Variants in ZNF248 observed in about 807,000 individuals in gnomAD.
ZNF248 encodes the protein KRAB protein domain.
In ZNF248, 20 loss-of-function variants were observed where a neutral mutation model predicts 44.3. The observed-to-expected ratio is 0.45, with a 90% CI of 0.32 to 0.66. ZNF248 has a LOEUF of 0.66. Among genes scored for constraint, ZNF248 ranks in the 30% least tolerant of loss-of-function variants. ZNF248 has a pLI of 0.04. For synonymous variants in ZNF248, 224 were observed against 229.0 expected (o/e 0.98, Z 0.20); for missense variants, 654 against 677.0 (o/e 0.97, Z 0.38).
In ZNF248 at chr10:37,833,059, T is replaced by C. The variant is rs776400596; in HGVS notation, c.296A>G (p.His99Arg). ...LESSQENEDD[H>R]FWELLFHNNK... ...GTTGTGGAATAGAAGCTCCCAAAAA[T>C]GGTCATCTTCATTTTCCTGGCTGCT... is the stretch of plus-strand genomic sequence containing the variant. The change falls in exon 6 of 6, where the codon CAT (histidine) becomes CGT (arginine). Residue 99 changes from histidine (H) to arginine (R), a missense_variant. Transcript: ENST00000395867. The C allele has an allele frequency of 6.1e-5, 99 of 1,610,908 alleles. No individual in the cohort carries two copies. Among genetic ancestry groups the C allele is most frequent in the Non-Finnish European group, 7.9e-5 (93 of 1,179,100 alleles).
chr10:37,775,744 A>C (rs1036765652), downstream of ZNF248, among the ~76,000 whole-genome samples: 1 of 152,210 alleles, frequency 6.6e-6, no homozygotes, highest in Non-Finnish European at 1.5e-5. Flanking sequence ...CTGTAGGTGA[A>C]ATACTCAGGA....
downstream of ZNF248, chr10:37,775,440 T>G (rs1384694631): frequency 6.6e-6 from 1 of 152,146 alleles, no homozygotes; most frequent in African/African-American, 2.4e-5. Flanking sequence ...ATGCGAGATC[T>G]GGCCTGCTAC....
intron 5 of ZNF248, among the ~76,000 whole-genome samples, chr10:37,835,027 A>G (rs546698349): frequency 6.6e-6 from 1 of 152,182 alleles, no homozygotes; most frequent in African/African-American, 2.4e-5. Flanking sequence ...GTTTAAAACT[A>G]AAAAAAGAAA....
At chr10:37,782,223 G>A (rs2047398650) in intron 6 of ZNF248, among the ~76,000 whole-genome samples, 3 of 152,074 alleles carry the variant, frequency 2.0e-5, no homozygotes, top group African/African-American at 7.2e-5. Context: ...ATTGTATTTT[G>A]GAAACAGATT....
Position 37,837,468 on chromosome 10 carries a change from G to A in ZNF248, c.238+149C>T. 4 of 647,340 alleles carry A rather than the reference G, an allele frequency of 6.2e-6. No individual in the cohort carries two copies. In the South Asian group the frequency reaches 7.7e-5, roughly 13 times the overall value. 40.1% of individuals were successfully genotyped at this position (647,340 alleles called of 1,614,324 possible). ...ATGGAGGAGTGATTAAGGTAACAGG[G>A]ATGTGGGCCAATTGTTTTTGATCAT... On this transcript the variant is annotated intron_variant, in intron 5 of 5. Coordinates refer to ENST00000395867, the MANE Select transcript of ZNF248 (RefSeq NM_021045.3).
Position 37,801,777 on chromosome 10 carries a change from T to C in ZNF248, c.331-25202A>G, listed in dbSNP as rs1317091793. Reference sequence around the variant, plus strand: ...GGAAGCAGAGTGAGTGACAGTTTCATGTGCAGTACCACAGATGAAAGGAGG... The same window carrying C: ...GGAAGCAGAGTGAGTGACAGTTTCACGTGCAGTACCACAGATGAAAGGAGG... On this transcript the variant is annotated intron_variant, in intron 6 of 6. Transcript: ENST00000615949. Among the ~76,000 whole-genome samples the C allele has an allele frequency of 2.0e-5, 3 of 152,098 alleles. No individual in the cohort carries two copies. In the East Asian group the frequency reaches 5.8e-4, roughly 29 times the overall value.
chr10:37,776,421 G>C (rs550861703), downstream of ZNF248: 1 of 391,548 alleles, frequency 2.6e-6, no homozygotes, highest in African/African-American at 2.1e-5. Context: ...AAACTGTCAG[G>C]CTCTGCCCTT....
intron 6 of ZNF248, chr10:37,776,638 C>A (rs2046605402): frequency 2.5e-6 from 1 of 396,292 alleles, no homozygotes; most frequent in Non-Finnish European, 4.5e-6. Context: ...CAAAGAACTT[C>A]CTTGTCTAAA....
intron 3 of ZNF248, among the ~76,000 whole-genome samples, chr10:37,846,298 T>C (rs1405915559): frequency 2.0e-5 from 3 of 152,174 alleles, no homozygotes; most frequent in Admixed American, 6.5e-5. Context: ...CTTTAATGAA[T>C]TACTAAATTT....
rs1447440647 is a variant in ZNF248 at position 37,857,460 on chromosome 10, C to A, written c.-401G>T. 6.6e-6 allele frequency: 1 copy of A among 152,246 alleles called. No individual in the cohort carries two copies. Among genetic ancestry groups the A allele is most frequent in the Non-Finnish European group, 1.5e-5 (1 of 68,072 alleles). The allele number at this position is 152,246 out of a possible 1,614,324, so 9.4% of individuals were successfully genotyped here. On this transcript the variant is annotated 5_prime_UTR_variant, in exon 1 of 6. Coordinates refer to ENST00000395867, the MANE Select transcript of ZNF248 (RefSeq NM_021045.3). ...GGGAACGCACACCCAATAAATACAG[C>A]ACCTAAACAATGAAAGTGCTCAAAA...
At chr10:37,797,197 C>T (rs769774672) in intron 6 of ZNF248, among the ~76,000 whole-genome samples, 1 of 152,094 alleles carries the variant, frequency 6.6e-6, no homozygotes, top group Non-Finnish European at 1.5e-5. Flanking sequence ...TTCAAAGTAT[C>T]TGGGGACGTA....
chr10:37,818,776 G>A (rs1209363645), intron 6 of ZNF248: 7 of 761,854 alleles, frequency 9.2e-6, no homozygotes, highest in Middle Eastern at 4.2e-4. Flanking sequence ...TCAAATAAAC[G>A]CCTTTGCTTC....
intron 3 of ZNF248, among the ~76,000 whole-genome samples, chr10:37,840,232 A>C (rs909186712): frequency 1.7e-4 from 26 of 152,200 alleles, no homozygotes; most frequent in African/African-American, 6.3e-4. Flanking sequence ...CTTCTACAAA[A>C]ATGAAAAAAC....
chr10:37,831,028 A>G lies in ZNF248; in HGVS notation c.*587T>C. On this transcript the variant is annotated 3_prime_UTR_variant, in exon 6 of 6. Coordinates refer to ENST00000395867, the MANE Select transcript of ZNF248 (RefSeq NM_021045.3). ...TATATTTAAGTATGTGTGTAGAAAT[A>G]TATTTACATATACACACAAACATAT... 1.0e-6 allele frequency: 1 copy of G among 976,930 alleles called. No individual in the cohort carries two copies. The highest frequency in any genetic ancestry group is 4.0e-5 in the East Asian group (1 of 25,120). The allele number at this position is 976,930 out of a possible 1,614,324, so 60.5% of individuals were successfully genotyped here. A position where few individuals can be genotyped will look rare whatever the true frequency, so the allele number is the denominator to read the frequency against.
intron 6 of ZNF248, among the ~76,000 whole-genome samples, chr10:37,801,192 T>C (rs912470693): frequency 7.3e-5 from 11 of 151,714 alleles, no homozygotes; most frequent in Admixed American, 7.2e-4. Context: ...CTGGCTAACA[T>C]GGTGAAACCC....
At chr10:37,838,153 G>T in intron 3 of ZNF248, 42 bp from the exon 4 acceptor site, 2 of 1,568,270 alleles carry the variant, frequency 1.3e-6, no homozygotes, top group Non-Finnish European at 8.7e-7. Flanking sequence ...GTCAGAACTA[G>T]ATGATACAGA....
chr10:37,817,395 A>C (rs1463486095), intron 6 of ZNF248, among the ~76,000 whole-genome samples: 1 of 152,140 alleles, frequency 6.6e-6, no homozygotes, highest in African/African-American at 2.4e-5. Context: ...ATAGCACTTC[A>C]AATAAATTAA....
intron 6 of ZNF248, among the ~76,000 whole-genome samples, chr10:37,778,503 G>A (rs1426349207): frequency 1.3e-5 from 2 of 151,764 alleles, no homozygotes; most frequent in South Asian, 2.1e-4. Context: ...TCACTCTGAT[G>A]GTAGTTTCTT....
intron 3 of ZNF248, among the ~76,000 whole-genome samples, chr10:37,852,124 G>A (rs948234129): frequency 1.3e-5 from 2 of 152,058 alleles, no homozygotes; most frequent in Non-Finnish European, 2.9e-5. Context: ...GTGCATGCCT[G>A]TAATCCCAGC....
Sources: gnomAD v4.1 joint callset for allele counts (sites outside exome capture counted in the v4.1 genomes callset) on GRCh38, gnomAD v4.1.1 for gene constraint, MANE v1.5 for transcripts, NCBI Gene and HGNC (gene_info 2026-07-23, HGNC 2026-07-21) for gene names.